The following PAPPA2 variants were observed in gnomAD, a reference collection of about 807,000 sequenced individuals.
PAPPA2 encodes pappalysin-2.
In PAPPA2, 86 loss-of-function variants were observed where a neutral mutation model predicts 176.4. That is an observed-to-expected ratio of 0.49 (90% CI 0.41 to 0.58). PAPPA2 has a LOEUF of 0.58. PAPPA2 is among the 20% of genes least tolerant of loss of function. The pLI, the probability that PAPPA2 is intolerant of heterozygous loss-of-function variation, is 0.00. For synonymous variants in PAPPA2, 809 were observed against 852.2 expected (o/e 0.95, Z 0.88); for missense variants, 2,073 against 2,256.9 (o/e 0.92, Z 1.65).
chr1:176,639,952 A>G (rs1656971718), intron 3 of PAPPA2, among the ~76,000 whole-genome samples: 2 of 151,296 alleles, frequency 1.3e-5, no homozygotes, highest in South Asian at 4.1e-4. Context: ...TCATTTTTAT[A>G]TGATCGTGAT....
chr1:176,581,903 T>C (rs1652992141), intron 2 of PAPPA2, among the ~76,000 whole-genome samples: 1 of 134,742 alleles, frequency 7.4e-6, no homozygotes, highest in Non-Finnish European at 1.6e-5. Context: ...TTTTTCTTTT[T>C]TTCTTTCTTT....
chr1:176,788,503 G>A (rs567472940), intron 17 of PAPPA2, among the ~76,000 whole-genome samples: 4 of 152,170 alleles, frequency 2.6e-5, no homozygotes, highest in African/African-American at 7.2e-5. Flanking sequence ...TGGCCAAAGG[G>A]TTATTCATAT....
chr1:176,709,274 A>G (rs986555681), intron 10 of PAPPA2, among the ~76,000 whole-genome samples: 1 of 152,142 alleles, frequency 6.6e-6, no homozygotes, highest in Non-Finnish European at 1.5e-5. Flanking sequence ...TCTTGGATTT[A>G]AGCCTGACTC....
intron 2 of PAPPA2, among the ~76,000 whole-genome samples, chr1:176,564,425 C>T (rs1428118044): frequency 6.6e-6 from 1 of 152,216 alleles, no homozygotes; most frequent in East Asian, 1.9e-4. Flanking sequence ...TATGTAAACA[C>T]ATTTCTATGC....
At chr1:176,752,250 C>A (rs556067980) in intron 14 of PAPPA2, among the ~76,000 whole-genome samples, 1 of 124,456 alleles carries the variant, frequency 8.0e-6, no homozygotes, top group Admixed American at 8.7e-5. Context: ...CTAGATGACA[C>A]GTTAGTGGGT....
intron 20 of PAPPA2, 49 bp downstream of exon 20, chr1:176,793,718 A>G (rs756804813): frequency 5.7e-6 from 8 of 1,404,774 alleles, no homozygotes; most frequent in Non-Finnish European, 7.9e-6. Context: ...TCTGCTGAGC[A>G]ACACTTGGAG....
intron 20 of PAPPA2, among the ~76,000 whole-genome samples, chr1:176,795,625 A>G (rs1665394946): frequency 6.6e-6 from 1 of 152,222 alleles, no homozygotes; most frequent in Non-Finnish European, 1.5e-5. Context: ...TTTTCTAAAT[A>G]GCATTTGAAA....
At chr1:176,647,919 A>G (rs1657504314) in intron 3 of PAPPA2, among the ~76,000 whole-genome samples, 1 of 151,526 alleles carries the variant, frequency 6.6e-6, no homozygotes, top group African/African-American at 2.4e-5. Flanking sequence ...TGCTTTGGCT[A>G]TTTGGGGTCT....
chr1:176,733,419 G>A (rs1027931473), intron 12 of PAPPA2, among the ~76,000 whole-genome samples: 6 of 152,092 alleles, frequency 3.9e-5, no homozygotes, highest in Non-Finnish European at 1.5e-5. Flanking sequence ...AACTGAGTGC[G>A]CTGACAGAGG....
chr1:176,550,098 G>C (rs1650858637), intron 1 of PAPPA2, among the ~76,000 whole-genome samples: 1 of 152,220 alleles, frequency 6.6e-6, no homozygotes, highest in Non-Finnish European at 1.5e-5. Flanking sequence ...GAATCGCACA[G>C]TTTGCAGCCC....
At chr1:176,474,349 C>T (rs1017648135) in intron 1 of PAPPA2, among the ~76,000 whole-genome samples, 1 of 152,160 alleles carries the variant, frequency 6.6e-6, no homozygotes, top group African/African-American at 2.4e-5. Flanking sequence ...CTCAAGAGTT[C>T]CACATTGACC....
At chr1:176,809,752 CT>C (rs1160457086) in intron 21 of PAPPA2, among the ~76,000 whole-genome samples, 5 of 152,070 alleles carry the variant, frequency 3.3e-5, no homozygotes, top group Admixed American at 6.6e-5. Flanking sequence ...AGGGGATGTA[CT>C]TCATTCTGGG....
intron 1 of PAPPA2, among the ~76,000 whole-genome samples, chr1:176,534,961 G>T (rs1046022672): frequency 1.3e-5 from 2 of 152,220 alleles, no homozygotes; most frequent in East Asian, 1.9e-4. Flanking sequence ...ACTGGGGTGC[G>T]AGAGGATCCA....
chr1:176,606,398 C>A (rs1486420072), intron 3 of PAPPA2, among the ~76,000 whole-genome samples: 1 of 152,130 alleles, frequency 6.6e-6, no homozygotes, highest in East Asian at 1.9e-4. Context: ...AGAATACATT[C>A]TTGAAGAATG....
At chr1:176,753,669 A>T (rs1050644291) in intron 14 of PAPPA2, among the ~76,000 whole-genome samples, 1 of 144,900 alleles carries the variant, frequency 6.9e-6, no homozygotes, top group African/African-American at 2.6e-5. Context: ...TTCCTGAGTG[A>T]TGGGAAATGT....
chr1:176,568,648 G>GCCAA (rs927125396), intron 2 of PAPPA2, among the ~76,000 whole-genome samples: 9 of 152,058 alleles, frequency 5.9e-5, no homozygotes, highest in African/African-American at 2.2e-4. Context: ...TCAGCAAAGG[G>GCCAA]CCAAGAACTC....
intron 3 of PAPPA2, among the ~76,000 whole-genome samples, chr1:176,623,109 G>A (rs1206176690): frequency 6.6e-6 from 1 of 152,112 alleles, no homozygotes; most frequent in Non-Finnish European, 1.5e-5. Flanking sequence ...CAGGAAATTT[G>A]GAAAGACACA....
intron 14 of PAPPA2, among the ~76,000 whole-genome samples, chr1:176,744,977 G>A (rs572040487): frequency 6.6e-6 from 1 of 152,242 alleles, no homozygotes. Context: ...ATACATGTGA[G>A]ATTTGTAACA....
rs116873142 is a variant in PAPPA2, at chr1:176,761,620, G to A, written c.4152-4046G>A. 8.2e-4 allele frequency among the ~76,000 whole-genome samples: 125 copies of A among 152,284 alleles called. 3 individuals carry two copies. In the East Asian group the frequency reaches 0.024, roughly 29 times the overall value. ...CTGAGGAGCTCCTTGGCTCACTCTG[G>A]CCTCTGCTGCTAGCTCCTGAATTGG... On this transcript the variant is annotated intron_variant, in intron 14 of 22. Transcript: ENST00000367662.
Sources: allele counts gnomAD v4.1 joint callset (sites outside exome capture counted in the v4.1 genomes callset), GRCh38; gene constraint gnomAD v4.1.1; transcripts MANE v1.5; gene names NCBI Gene and HGNC (gene_info 2026-07-23, HGNC 2026-07-21).